The following UNC45A variants were observed in gnomAD, a reference collection of about 807,000 sequenced individuals.
UNC45A encodes the protein protein unc-45 homolog A.
Under a neutral mutation model 103.2 loss-of-function variants are expected in UNC45A, and 78 were observed. That is an observed-to-expected ratio of 0.76 (90% CI 0.63 to 0.91). The LOEUF (loss-of-function observed/expected upper bound fraction) is 0.91, where lower values mean the gene tolerates loss of function less well. Among genes scored for constraint, UNC45A ranks in the 40% least tolerant of loss-of-function variants. UNC45A has a pLI of 0.00. For missense variants in UNC45A, 1,193 were observed against 1,224.8 expected, an observed-to-expected ratio of 0.97 and a Z score of 0.39; for synonymous variants, 495 against 504.6, an observed-to-expected ratio of 0.98 and a Z score of 0.25.
chr15:90,936,308 G>A lies in UNC45A; in HGVS notation c.274G>A (p.Val92Ile). The A allele has an allele frequency of 1.7e-5, 28 of 1,613,896 alleles. No homozygotes were observed. Among genetic ancestry groups the A allele is most frequent in the Non-Finnish European group, 2.3e-5 (27 of 1,179,902 alleles). Reference sequence around the variant, plus strand: ...AGCCATTGAAAAGGATGGTGGGGATGTCAAAGCACTCTACCGGCGGAGCCA... The same window carrying A: ...AGCCATTGAAAAGGATGGTGGGGATATCAAAGCACTCTACCGGCGGAGCCA... ...SKAIEKDGGD[V>I]KALYRRSQAL... The change falls in exon 4 of 20, where the codon GTC (valine) becomes ATC (isoleucine). Residue 92 changes from valine to isoleucine, a missense_variant. Coordinates refer to ENST00000418476, the MANE Select transcript of UNC45A (RefSeq NM_018671.5).
Position 90,948,644 on chromosome 15 carries a change from G to A in UNC45A, c.1738-10G>A, listed in dbSNP as rs1275141870. 1.2e-6 allele frequency: 2 copies of A among 1,613,368 alleles called. No individual in the cohort carries two copies. The highest frequency in any genetic ancestry group is 1.3e-5 in the African/African-American group (1 of 75,024). Reference sequence around the variant, plus strand: ...GGGATGCCCATGTGAATTCCTCTGTGTCCTGGCAGTTGGAGGAGAGGTCAG... The same window carrying A: ...GGGATGCCCATGTGAATTCCTCTGTATCCTGGCAGTTGGAGGAGAGGTCAG... On this transcript the variant is annotated splice_polypyrimidine_tract_variant and intron_variant, in intron 12 of 19. Coordinates refer to ENST00000418476, the MANE Select transcript of UNC45A (RefSeq NM_018671.5).
At chr15:90,941,229 C>T (rs1440060361) in intron 6 of UNC45A, among the ~76,000 whole-genome samples, 1 of 152,114 alleles carries the variant, frequency 6.6e-6, no homozygotes, top group Non-Finnish European at 1.5e-5. Flanking sequence ...GAGACAGTGA[C>T]CGGACACGTA....
chr15:90,942,368 C>G, intron 6 of UNC45A, 69 bp from the exon 7 acceptor site: 1 of 1,520,776 alleles, frequency 6.6e-7, no homozygotes, highest in South Asian at 1.3e-5. Flanking sequence ...CTCTAACTCA[C>G]AGTTAGGGAT....
At chr15:90,939,526 T>A (rs2036183487) in intron 4 of UNC45A, among the ~76,000 whole-genome samples, 1 of 152,106 alleles carries the variant, frequency 6.6e-6, no homozygotes, top group African/African-American at 2.4e-5. Context: ...AAGCAGGAAA[T>A]AGCTCAGAAA....
Position 90,935,324 on chromosome 15 carries a change from G to A in UNC45A, c.-1G>A. ...CGCGGGCACGAGACAACCTCTCCGC[G>A]ATGACTGTGAGTGGTCCAGGGACCC... is the stretch of plus-strand genomic sequence containing the variant. On this transcript the variant is annotated 5_prime_UTR_variant, in exon 1 of 20. Transcript: ENST00000418476. 3.7e-6 allele frequency: 6 copies of A among 1,603,660 alleles called. No homozygotes were observed. Among genetic ancestry groups the A allele is most frequent in the Non-Finnish European group, 5.1e-6 (6 of 1,176,758 alleles).
upstream of UNC45A, chr15:90,935,247 C>G: frequency 2.8e-6 from 4 of 1,412,828 alleles, no homozygotes; most frequent in Non-Finnish European, 3.9e-6. Flanking sequence ...GGCGGGGCAG[C>G]TGCCGGTGGC....
At chr15:90,931,667 C>G, upstream of UNC45A, 1 of 1,613,924 alleles carries the variant, frequency 6.2e-7, no homozygotes, top group African/African-American at 1.3e-5. Flanking sequence ...GGCGGCATCC[C>G]CCTCCCTTTT....
At chr15:90,932,171 G>C (rs778514672), upstream of UNC45A, 2 of 1,515,444 alleles carry the variant, frequency 1.3e-6, no homozygotes, top group Admixed American at 2.1e-5. Flanking sequence ...GGTGTGTTGT[G>C]GGTTTTGGAG....
rs1326203522 is a variant in UNC45A at position 90,946,640 on chromosome 15, C to T, written c.1226C>T (p.Ala409Val). 1.9e-6 allele frequency: 3 copies of T among 1,609,338 alleles called. No homozygotes were observed. Among genetic ancestry groups the T allele is most frequent in the African/African-American group, 2.7e-5 (2 of 74,838 alleles). ...AGCTGGTTTGAGGGCCAAGGGCTGG[C>T]CGGGAAGCTACGGGCCATCCAGACG... ...IKSWFEGQGL[A>V]GKLRAIQTVS... Residue 409 changes from alanine (A) to valine (V), a missense_variant, in exon 10 of 20, where the codon GCC becomes GTC. Physicochemically the swap from Ala to Val is moderately conservative, Grantham distance 64. Coordinates refer to ENST00000418476, the MANE Select transcript of UNC45A (RefSeq NM_018671.5).
chr15:90,938,015 T>C (rs2036107950), intron 4 of UNC45A, among the ~76,000 whole-genome samples: 1 of 152,144 alleles, frequency 6.6e-6, no homozygotes, highest in Non-Finnish European at 1.5e-5. Context: ...GTGGCTGGTC[T>C]TGAACTCCTA....
At chr15:90,949,260 C>G in intron 13 of UNC45A, 56 bp from the exon 14 acceptor site, 2 of 1,570,400 alleles carry the variant, frequency 1.3e-6, no homozygotes, top group Middle Eastern at 1.7e-4. Flanking sequence ...TGAGAAGGGT[C>G]CCCCTTTCTC....
rs2035980952 is a variant in UNC45A, at chr15:90,935,767, A to G, written c.213+62A>G. ...GGCCCCGGTTCGCCCATCTAAGCTG[A>G]TGCTTGGGCCCCAGCTGGACATTCA... On this transcript the variant is annotated intron_variant, in intron 2 of 19. Coordinates refer to ENST00000418476, the MANE Select transcript of UNC45A (RefSeq NM_018671.5). The G allele has an allele frequency of 2.0e-6, 3 of 1,522,688 alleles. No individual in the cohort carries two copies. In the East Asian group the frequency reaches 6.9e-5, roughly 35 times the overall value. The allele number at this position is 1,522,688 out of a possible 1,614,324, so 94.3% of individuals were successfully genotyped here.
At position 90,936,183 on chromosome 15, in the gene UNC45A, C is replaced by A. The variant is rs530531365; in HGVS notation, c.251-102C>A. On this transcript the variant is annotated intron_variant, in intron 3 of 19. Coordinates refer to ENST00000418476, the MANE Select transcript of UNC45A (RefSeq NM_018671.5). The stretch of plus-strand genomic sequence containing the variant: ...CTGAAGCACCGAGCCCCACATTCGT[C>A]CCCCCCACCTTCTTCTGGCCTTTCC... 13 of 1,528,828 alleles carry A rather than the reference C, an allele frequency of 8.5e-6. No individual in the cohort carries two copies. In the African/African-American group the frequency reaches 9.7e-5, roughly 11 times the overall value. 94.7% of individuals were successfully genotyped at this position (1,528,828 alleles called of 1,614,324 possible).
Position 90,953,169 on chromosome 15 carries a change from C to G in UNC45A, c.2436C>G (p.Phe812Leu), listed in dbSNP as rs147797974. 3 of 1,613,498 alleles carry G rather than the reference C, an allele frequency of 1.9e-6. No individual in the cohort carries two copies. Among genetic ancestry groups the G allele is most frequent in the Non-Finnish European group, 2.5e-6 (3 of 1,179,828 alleles). The change falls in exon 19 of 20, where the codon TTC becomes TTG. Residue 812 changes from phenylalanine to leucine, a missense_variant. Transcript: ENST00000418476. ...TCTGGCCACAGGTGCAGGACCTCTT[C>G]GAAGCCCAGGGCAATGACCGACTGA... ...LAMSKEVQDL[F>L]EAQGNDRLKL...
chr15:90,948,431 T>A, intron 12 of UNC45A, 148 bp downstream of exon 12: 2 of 1,329,444 alleles, frequency 1.5e-6, no homozygotes, highest in South Asian at 1.4e-5. Context: ...AGTGTGGGCA[T>A]GTTGGCCAGC....
At position 90,948,785 on chromosome 15, in the gene UNC45A, G is replaced by C. The variant is rs1183180495; in HGVS notation, c.1869G>C (p.Gln623His). The C allele has an allele frequency of 1.2e-6, 2 of 1,605,044 alleles. No homozygotes were observed. The highest frequency in any genetic ancestry group is 1.7e-6 in the Non-Finnish European group (2 of 1,176,150). The stretch of plus-strand genomic sequence containing the variant: ...ATGCCAAGCAGCATGTGCCCGAGCA[G>C]CACCCCAAGGTGAGGGGCCGCCAGA... ...AKYAKQHVPE[Q>H]HPKDKPSFVR... The change falls in exon 13 of 20, where the codon CAG (glutamine) becomes CAC (histidine). Residue 623 changes from glutamine (Q) to histidine (H), a missense_variant. Gln to His is a conservative substitution (Grantham distance 24, BLOSUM62 0). Transcript: ENST00000418476.
At chr15:90,936,160 G>A in intron 3 of UNC45A, 125 bp from the exon 4 acceptor site, 1 of 1,508,766 alleles carries the variant, frequency 6.6e-7, no homozygotes, top group African/African-American at 1.4e-5. Flanking sequence ...TTCTGAGGCT[G>A]AAGCACCGAG....
Position 90,943,035 on chromosome 15 carries a change from C to T in UNC45A, c.980C>T (p.Ser327Phe), listed in dbSNP as rs1455234562. The T allele has an allele frequency of 3.7e-6, 6 of 1,614,190 alleles. No homozygotes were observed. The highest frequency in any genetic ancestry group is 5.1e-6 in the Non-Finnish European group (6 of 1,180,022). ...TLLIKAVPRK[S>F]LKDPNNSLTL... ...CTGATTAAAGCGGTGCCCCGGAAGTCTCTCAAGGACCCCAACAACAGCCTC... is the reference window on the plus strand; with the variant it reads ...CTGATTAAAGCGGTGCCCCGGAAGTTTCTCAAGGACCCCAACAACAGCCTC... Residue 327 changes from serine (S) to phenylalanine (F), a missense_variant, in exon 8 of 20, where the codon TCT (serine) becomes TTT (phenylalanine). Transcript: ENST00000418476.
rs1026664206 is a variant in UNC45A, at chr15:90,950,095, C to T, written c.2074-59C>T. 41 of 1,507,366 alleles carry T rather than the reference C, an allele frequency of 2.7e-5. No individual in the cohort carries two copies. The Middle Eastern group carries it at 6.6e-4, about 24-fold the overall frequency. 93.4% of individuals were successfully genotyped at this position (1,507,366 alleles called of 1,614,324 possible). On this transcript the variant is annotated intron_variant, in intron 15 of 19. Transcript: ENST00000418476. ...GTGGCACGGTCAGGGCTGGGGAGCC[C>T]GATGGTCGGGGTCTTACTCCCAGGG...
Sources: gnomAD v4.1 joint callset for allele counts (sites outside exome capture counted in the v4.1 genomes callset) on GRCh38, gnomAD v4.1.1 for gene constraint, MANE v1.5 for transcripts, NCBI Gene and HGNC (gene_info 2026-07-23, HGNC 2026-07-21) for gene names.